The following SMAD7 variants were observed in gnomAD, a reference collection of about 807,000 sequenced individuals.
SMAD7 encodes SMAD family member 7, also known as MAD (mothers against decapentaplegic, Drosophila) homolog 7.
A neutral mutation model predicts 38.7 loss-of-function variants in SMAD7; 8 were observed. The observed-to-expected ratio is 0.21, with a 90% CI of 0.12 to 0.37. The LOEUF (loss-of-function observed/expected upper bound fraction) is 0.37. Among genes scored for constraint, SMAD7 ranks in the 10% least tolerant of loss-of-function variants. SMAD7 has a pLI of 1.00. For missense variants in SMAD7, 477 were observed against 577.9 expected (o/e 0.83, Z 1.79); for synonymous variants, 327 against 265.1 (o/e 1.23, Z -2.27).
intron 2 of SMAD7, among the ~76,000 whole-genome samples, chr18:48,947,172 G>T (rs2070204190): frequency 6.6e-6 from 1 of 152,180 alleles, no homozygotes; most frequent in Non-Finnish European, 1.5e-5. Flanking sequence ...CTGGTGTTTT[G>T]TAAATCGAAA....
intron 2 of SMAD7, 189 bp from the exon 3 acceptor site, chr18:48,942,744 C>A (rs922414351): frequency 2.8e-6 from 4 of 1,447,864 alleles, no homozygotes; most frequent in Non-Finnish European, 3.6e-6. Flanking sequence ...ACCACAGCAC[C>A]TTGTCACCCG....
intron 3 of SMAD7, among the ~76,000 whole-genome samples, chr18:48,924,619 G>A (rs911962645): frequency 2.0e-5 from 3 of 152,148 alleles, no homozygotes; most frequent in Non-Finnish European, 2.9e-5. Flanking sequence ...CATGGATGTC[G>A]TGAATGCTGC....
intron 3 of SMAD7, among the ~76,000 whole-genome samples, chr18:48,923,639 C>T (rs1296478872): frequency 2.6e-5 from 4 of 152,184 alleles, no homozygotes; most frequent in Non-Finnish European, 5.9e-5. Flanking sequence ...CAAATGCCTG[C>T]CCCAAAAGCT....
chr18:48,940,518 G>C (rs960084256), intron 3 of SMAD7, among the ~76,000 whole-genome samples: 3 of 151,858 alleles, frequency 2.0e-5, no homozygotes, highest in African/African-American at 7.3e-5. Context: ...GGGGAGGAAA[G>C]GGTGGGTGGA....
intron 3 of SMAD7, among the ~76,000 whole-genome samples, chr18:48,929,569 T>TCTCTCTCTCTCACACACA (rs3082710): frequency 3.5e-5 from 4 of 114,558 alleles, no homozygotes; most frequent in Admixed American, 2.7e-4. Context: ...TCTCTCTCTC[T>TCTCTCTCTCTCACACACA]CACTCACACA....
intron 3 of SMAD7, among the ~76,000 whole-genome samples, chr18:48,940,797 G>A (rs987370218): frequency 1.4e-5 from 2 of 147,246 alleles, no homozygotes; most frequent in African/African-American, 2.5e-5. Context: ...GCGACAGAGC[G>A]AGACTTTGTC....
chr18:48,944,522 A>G (rs1037637789), intron 2 of SMAD7, among the ~76,000 whole-genome samples: 2 of 152,242 alleles, frequency 1.3e-5, no homozygotes, highest in Non-Finnish European at 2.9e-5. Flanking sequence ...GAAGCAAAGT[A>G]TACCTGTTCC....
Position 48,921,840 on chromosome 18 carries a change from C to T in SMAD7, c.813G>A (p.Thr271=), listed in dbSNP as rs373171169. The T allele has an allele frequency of 9.3e-6, 15 of 1,613,686 alleles. No homozygotes were observed. Among genetic ancestry groups the T allele is most frequent in the African/African-American group, 1.3e-5 (1 of 74,922 alleles). Residue 271 remains threonine (T), a synonymous_variant, in exon 4 of 4, where the codon ACG becomes ACA. Coordinates refer to ENST00000262158, the MANE Select transcript of SMAD7 (RefSeq NM_005904.4). The surrounding 1 kb of genome is among the most constrained non-coding windows in gnomAD (Gnocchi z 6.4). ...WCVVAYWEEK[T]RVGRLYCVQE... ...GGACACAGTAGAGCCTCCCCACTCT[C>T]GTCTTCTCCTCCCAGTATGCCACCA...
At chr18:48,937,211 C>T (rs1217981370) in intron 3 of SMAD7, among the ~76,000 whole-genome samples, 1 of 151,440 alleles carries the variant, frequency 6.6e-6, no homozygotes, top group Non-Finnish European at 1.5e-5. Context: ...CCACGGAGGT[C>T]CCATAGGTGT....
Position 48,950,491 on chromosome 18 carries a change from A to C in SMAD7, c.-67T>G. Reference sequence around the variant, plus strand: ...GGAGCGAACATGACCTCCGCACACCATGAAGAAGTCGGGCGCCGAGTTGGG... The same window carrying C: ...GGAGCGAACATGACCTCCGCACACCCTGAAGAAGTCGGGCGCCGAGTTGGG... On this transcript the variant is annotated 5_prime_UTR_variant, in exon 1 of 4. It removes an upstream start codon present in the reference 5' UTR. Transcript: ENST00000262158. 2 of 1,424,264 alleles carry C rather than the reference A, an allele frequency of 1.4e-6. No homozygotes were observed. The highest frequency in any genetic ancestry group is 1.9e-6 in the Non-Finnish European group (2 of 1,075,242). 88.2% of individuals were successfully genotyped at this position (1,424,264 alleles called of 1,614,324 possible).
chr18:48,921,477 G>C lies in SMAD7; in HGVS notation c.1176C>G (p.Gly392=). ...TCACAAAGCTGATCTGCACGGTAAA[G>C]CCCGTCCACGGCTGCTGCATAAACT... ...DHEFMQQPWT[G]FTVQISFVKG... Residue 392 remains glycine, a synonymous_variant, in exon 4 of 4, where the codon GGC becomes GGG. Transcript: ENST00000262158. This position sits in a 1 kb window ranked among gnomAD's most constrained non-coding sequence, Gnocchi z 6.4. 1 of 1,614,192 alleles carries C rather than the reference G, an allele frequency of 6.2e-7. No individual in the cohort carries two copies. The highest frequency in any genetic ancestry group is 8.5e-7 in the Non-Finnish European group (1 of 1,180,014).
chr18:48,950,315 A>C lies in SMAD7; in HGVS notation c.110T>G (p.Leu37Arg), dbSNP rs930431967. The C allele has an allele frequency of 2.6e-6, 4 of 1,534,762 alleles. No homozygotes were observed. The African/African-American group carries it at 5.6e-5, about 22-fold the overall frequency. The stretch of plus-strand genomic sequence containing the variant: ...GCTGTCCGTCGCCCCTTCTCCCCGC[A>C]GCTCGCCTCCTCCTCCACCTCCCCC... Reference protein sequence around the residue: ...GAGGGGGGGELRGEGATDSRA... With the variant: ...GAGGGGGGGERRGEGATDSRA... The change falls in exon 1 of 4, where the codon CTG (leucine) becomes CGG (arginine). Residue 37 changes from leucine (L) to arginine (R), a missense_variant. Around this residue, in one of 2 missense-constraint regions of SMAD7, gnomAD observed 376 missense variants for 379.4 expected, o/e 0.99. Coordinates refer to ENST00000262158, the MANE Select transcript of SMAD7 (RefSeq NM_005904.4).
At chr18:48,925,235 C>T (rs2069911370) in intron 3 of SMAD7, among the ~76,000 whole-genome samples, 1 of 152,206 alleles carries the variant, frequency 6.6e-6, no homozygotes, top group South Asian at 2.1e-4. Flanking sequence ...AACTTCTCCC[C>T]CTCCCCAGAA....
At chr18:48,937,262 G>A (rs2070078248) in intron 3 of SMAD7, among the ~76,000 whole-genome samples, 1 of 142,756 alleles carries the variant, frequency 7.0e-6, no homozygotes, top group Non-Finnish European at 1.5e-5. Flanking sequence ...CTAAGTAAAG[G>A]CATGTGTGTG....
At chr18:48,943,670 C>T (rs1170872593) in intron 2 of SMAD7, among the ~76,000 whole-genome samples, 1 of 152,178 alleles carries the variant, frequency 6.6e-6, no homozygotes, top group African/African-American at 2.4e-5. Context: ...CACCAGGCCT[C>T]CTACCCCAGG....
At position 48,921,478 on chromosome 18, in the gene SMAD7, C is replaced by T; in HGVS notation, c.1175G>A (p.Gly392Asp). The change falls in exon 4 of 4, where the codon GGC becomes GAC. Residue 392 changes from glycine to aspartate, a missense_variant. By Grantham distance (94) the Gly-to-Asp change is moderately conservative. Transcript: ENST00000262158. This position sits in a 1 kb window ranked among gnomAD's most constrained non-coding sequence, Gnocchi z 6.4. ...CACAAAGCTGATCTGCACGGTAAAG[C>T]CCGTCCACGGCTGCTGCATAAACTC... ...DHEFMQQPWT[G>D]FTVQISFVKG... 6.2e-7 allele frequency: 1 copy of T among 1,614,208 alleles called. No individual in the cohort carries two copies.
chr18:48,947,892 A>ACCCC (rs71165356), intron 2 of SMAD7, among the ~76,000 whole-genome samples: 1 of 113,280 alleles, frequency 8.8e-6, no homozygotes, highest in African/African-American at 3.4e-5. Context: ...GGAGGAACCT[A>ACCCC]CCCCCCCCCC....
chr18:48,931,434 A>T (rs1312607101), intron 3 of SMAD7, among the ~76,000 whole-genome samples: 5 of 152,180 alleles, frequency 3.3e-5, no homozygotes, highest in Non-Finnish European at 7.3e-5. Flanking sequence ...CACGGGTGGG[A>T]CTGGGCTTCA....
chr18:48,930,753 G>A (rs1046891525), intron 3 of SMAD7, among the ~76,000 whole-genome samples: 6 of 152,222 alleles, frequency 3.9e-5, no homozygotes, highest in African/African-American at 7.2e-5. Flanking sequence ...AGGCCCTACC[G>A]TTGGCGATGC....
Sources: gnomAD v4.1 joint callset for allele counts (sites outside exome capture counted in the v4.1 genomes callset) on GRCh38, gnomAD v4.1.1 for gene constraint, gnomAD v4.1.1 regional missense constraint, Gnocchi (gnomAD v3.1) non-coding constraint, MANE v1.5 for transcripts, NCBI Gene and HGNC (gene_info 2026-07-23, HGNC 2026-07-21) for gene names.